GABRR1: variants seen among roughly 807,000 people sequenced by gnomAD.
GABRR1 encodes the protein gamma-aminobutyric acid type A receptor subunit rho1, also known as gamma-aminobutyric acid receptor subunit rho-1.
A neutral mutation model predicts 55.5 loss-of-function variants in GABRR1; 59 were observed. The ratio of observed to expected loss-of-function variants is 1.06; its 90% CI spans 0.86 to 1.32. GABRR1 has a LOEUF of 1.32. Ranked by LOEUF, GABRR1 falls within the 40% of genes most tolerant of loss-of-function variation. The pLI is 0.00. For synonymous variants in GABRR1, 213 were observed against 226.0 expected (o/e 0.94, Z 0.51); for missense variants, 602 against 619.1 (o/e 0.97, Z 0.29).
intron 1 of GABRR1, among the ~76,000 whole-genome samples, chr6:89,215,000 A>T (rs1347865765): frequency 6.6e-6 from 1 of 152,234 alleles, no homozygotes; most frequent in African/African-American, 2.4e-5. Context: ...TCTAAAACAA[A>T]CGAACAAAAA....
Position 89,217,297 on chromosome 6 carries a change from A to G in GABRR1, c.26T>C (p.Phe9Ser). The part of the protein sequence containing the change: MLAVPNMR[F>S]GIFLLWWGWV... Reference sequence around the variant, plus strand: ...TCCCCACCACAAAAGAAAGATGCCAAATCTCATATTTGGGACAGCCAACAT... The same window carrying G: ...TCCCCACCACAAAAGAAAGATGCCAGATCTCATATTTGGGACAGCCAACAT... Residue 9 changes from phenylalanine to serine, a missense_variant, in exon 1 of 10, where the codon TTT (phenylalanine) becomes TCT (serine). Physicochemically the swap from Phe to Ser is radical, Grantham distance 155. This residue lies in a region of GABRR1 where 435 missense variants were observed against 424.2 expected (regional missense o/e 1.03). Transcript: ENST00000454853. 6.2e-7 allele frequency: 1 copy of G among 1,614,138 alleles called. No individual in the cohort carries two copies. The highest frequency in any genetic ancestry group is 8.5e-7 in the Non-Finnish European group (1 of 1,180,006).
At chr6:89,224,401 G>A (rs998977109) in intron 1 of GABRR1, among the ~76,000 whole-genome samples, 1 of 152,084 alleles carries the variant, frequency 6.6e-6, no homozygotes, top group African/African-American at 2.4e-5. Flanking sequence ...CTGCATTGTG[G>A]TTTTGATTTG....
chr6:89,224,728 A>G (rs1447274360), intron 1 of GABRR1, among the ~76,000 whole-genome samples: 1 of 152,102 alleles, frequency 6.6e-6, no homozygotes, highest in East Asian at 1.9e-4. Flanking sequence ...GTTCTTGGTC[A>G]TGAAGTCTTT....
chr6:89,191,043 G>A (rs1356065586), intron 5 of GABRR1, among the ~76,000 whole-genome samples: 2 of 152,156 alleles, frequency 1.3e-5, no homozygotes, highest in Non-Finnish European at 2.9e-5. Context: ...TATTTGCTAC[G>A]CAAAAGTTGT....
chr6:89,223,953 G>A (rs948735283), intron 1 of GABRR1, among the ~76,000 whole-genome samples: 1 of 151,700 alleles, frequency 6.6e-6, no homozygotes, highest in Admixed American at 6.6e-5. Context: ...TAATAGAGAC[G>A]GGGTTTCACC....
At chr6:89,199,215 C>T in intron 4 of GABRR1, 147 bp downstream of exon 4, 1 of 731,454 alleles carries the variant, frequency 1.4e-6, no homozygotes, top group Non-Finnish European at 2.4e-6. Context: ...TTGGGCAAAT[C>T]TTCCTGAGCC....
At chr6:89,180,252 T>A in intron 9 of GABRR1, 40 bp downstream of exon 9, 1 of 1,592,332 alleles carries the variant, frequency 6.3e-7, no homozygotes, top group Non-Finnish European at 8.5e-7. Context: ...TAGATCAGGT[T>A]CCATCCTGAC....
intron 1 of GABRR1, among the ~76,000 whole-genome samples, chr6:89,230,770 T>G (rs1179641161): frequency 7.9e-5 from 12 of 151,850 alleles, no homozygotes; most frequent in Admixed American, 6.6e-4. Flanking sequence ...GCAGGCCTCC[T>G]TGAGCTGTGG....
intron 2 of GABRR1, 69 bp from the exon 3 acceptor site, chr6:89,201,334 C>T: frequency 9.6e-7 from 1 of 1,044,888 alleles, no homozygotes. Context: ...AACTTGCATT[C>T]TGACTTGATC....
intron 5 of GABRR1, among the ~76,000 whole-genome samples, chr6:89,195,364 G>A (rs1051358231): frequency 6.6e-6 from 1 of 152,172 alleles, no homozygotes; most frequent in East Asian, 1.9e-4. Flanking sequence ...TTGACAGGCT[G>A]AGGCAGGAGA....
intron 5 of GABRR1, among the ~76,000 whole-genome samples, chr6:89,192,114 A>C (rs891213760): frequency 6.6e-6 from 1 of 151,990 alleles, no homozygotes; most frequent in South Asian, 2.1e-4. Flanking sequence ...CTTCCCACAC[A>C]GGTGGAAGCG....
chr6:89,191,896 G>C (rs1001187343), intron 5 of GABRR1, among the ~76,000 whole-genome samples: 1 of 152,140 alleles, frequency 6.6e-6, no homozygotes, highest in Non-Finnish European at 1.5e-5. Flanking sequence ...GTTGGCATTT[G>C]ACGGGCGTAG....
At chr6:89,209,950 C>A (rs538553157) in intron 1 of GABRR1, among the ~76,000 whole-genome samples, 1 of 152,082 alleles carries the variant, frequency 6.6e-6, no homozygotes, top group Non-Finnish European at 1.5e-5. Context: ...TTGTGACGTA[C>A]AAAAACATTT....
intron 3 of GABRR1, among the ~76,000 whole-genome samples, chr6:89,200,568 G>T (rs1772435824): frequency 7.3e-6 from 1 of 136,536 alleles, no homozygotes; most frequent in Non-Finnish European, 1.6e-5. Flanking sequence ...GGCCGAGAAT[G>T]ATTTTTAAAA....
intron 1 of GABRR1, among the ~76,000 whole-genome samples, chr6:89,214,972 A>G (rs1015810640): frequency 3.9e-5 from 6 of 152,234 alleles, no homozygotes; most frequent in African/African-American, 1.4e-4. Flanking sequence ...AGTTTAGGTA[A>G]CAGGGCAAGA....
intron 1 of GABRR1, chr6:89,204,641 G>A (rs1207754118): frequency 1.2e-5 from 16 of 1,285,186 alleles, no homozygotes; most frequent in Non-Finnish European, 1.6e-5. Context: ...CTGATGAAAG[G>A]AGGTTTGTCA....
chr6:89,211,023 G>A, intron 1 of GABRR1, among the ~76,000 whole-genome samples: 1 of 152,104 alleles, frequency 6.6e-6, no homozygotes, highest in East Asian at 1.9e-4. Context: ...GAAAGAGAAT[G>A]GTGTTGTGAG....
At chr6:89,206,772 T>C (rs1367907968) in intron 1 of GABRR1, among the ~76,000 whole-genome samples, 2 of 122,952 alleles carry the variant, frequency 1.6e-5, no homozygotes, top group East Asian at 2.0e-4. Flanking sequence ...TGTGACACCA[T>C]GCCCAGCTAA....
intron 1 of GABRR1, 141 bp from the exon 2 acceptor site, chr6:89,203,626 A>T (rs1772550861): frequency 2.9e-6 from 2 of 679,382 alleles, no homozygotes; most frequent in Non-Finnish European, 5.2e-6. Context: ...CGAAGATTCA[A>T]TGCATTCATT....
Sources: allele counts gnomAD v4.1 joint callset (sites outside exome capture counted in the v4.1 genomes callset), GRCh38; gene constraint gnomAD v4.1.1; regional missense constraint gnomAD v4.1.1; transcripts MANE v1.5; gene names NCBI Gene and HGNC (gene_info 2026-07-23, HGNC 2026-07-21).